The following ARID3B variants were observed in gnomAD, a reference collection of about 807,000 sequenced individuals.
ARID3B encodes the protein AT-rich interactive domain-containing protein 3B.
A neutral mutation model predicts 51.9 loss-of-function variants in ARID3B; 10 were observed. That is an observed-to-expected ratio of 0.19 (90% CI 0.12 to 0.33). The LOEUF (loss-of-function observed/expected upper bound fraction) is 0.33, where lower values mean the gene tolerates loss of function less well. Ranked by LOEUF, ARID3B falls within the 10% of genes least tolerant of loss-of-function variation. The probability of loss-of-function intolerance (pLI) is 1.00; values close to 1 mark genes in which losing one functional copy is unlikely to be tolerated. For missense variants in ARID3B, 483 were observed against 716.3 expected, an observed-to-expected ratio of 0.67 and a Z score of 3.72; for synonymous variants, 205 against 279.5, an observed-to-expected ratio of 0.73 and a Z score of 2.66.
intron 2 of ARID3B, among the ~76,000 whole-genome samples, chr15:74,545,505 C>G (rs922544572): frequency 6.6e-6 from 1 of 152,158 alleles, no homozygotes; most frequent in Non-Finnish European, 1.5e-5. Context: ...TCAACCAAGC[C>G]TCTTCTCTTT....
At chr15:74,554,511 A>G (rs1429709829) in intron 2 of ARID3B, among the ~76,000 whole-genome samples, 1 of 148,356 alleles carries the variant, frequency 6.7e-6, no homozygotes, top group Non-Finnish European at 1.5e-5. Flanking sequence ...CCATGTTGGC[A>G]AGGCTGGTCT....
intron 4 of ARID3B, chr15:74,573,415 G>A (rs184547383): frequency 1.4e-4 from 80 of 585,834 alleles, no homozygotes; most frequent in African/African-American, 1.1e-3. Flanking sequence ...TGGAATGATC[G>A]TCCACTTTTG....
In ARID3B at chr15:74,555,982, C is replaced by T. The variant is rs149331058; in HGVS notation, c.552+11494C>T. Among the ~76,000 whole-genome samples, 1,137 of 151,520 alleles carry T rather than the reference C, an allele frequency of 7.5e-3. 6 individuals are homozygous for T. The highest frequency in any genetic ancestry group is 0.026 in the African/African-American group (1,058 of 41,320). On this transcript the variant is annotated intron_variant, in intron 2 of 8. Transcript: ENST00000346246. Reference sequence around the variant, plus strand: ...AATTTTTTGGTATTTTTAGTAGAGACGGGGTTTCACCGTGTTAGCCGGGAT... The same window carrying T: ...AATTTTTTGGTATTTTTAGTAGAGATGGGGTTTCACCGTGTTAGCCGGGAT...
In ARID3B at chr15:74,592,229, G is replaced by A. The variant is rs146535470; in HGVS notation, c.1420+415G>A. On this transcript the variant is annotated intron_variant, in intron 7 of 8. Coordinates refer to ENST00000346246, the MANE Select transcript of ARID3B (RefSeq NM_006465.4). ...GCTCAGCGAGGGGCCAAGTTGCCCC[G>A]GGCTGGACAGTGGGACTCAGGAATA... Among the ~76,000 whole-genome samples, 881 of 152,284 alleles carry A rather than the reference G, an allele frequency of 5.8e-3. 6 individuals carry two copies. Among genetic ancestry groups the A allele is most frequent in the Middle Eastern group, 0.01 (3 of 294 alleles).
chr15:74,549,160 A>AC (rs1204712543), intron 2 of ARID3B, among the ~76,000 whole-genome samples: 4 of 149,496 alleles, frequency 2.7e-5, no homozygotes, highest in Non-Finnish European at 5.9e-5. Flanking sequence ...TGCAGGCTCC[A>AC]CCCCCCGGGG....
Position 74,591,013 on chromosome 15 carries a change from G to A in ARID3B, c.882-138G>A. On this transcript the variant is annotated intron_variant, in intron 5 of 8. Transcript: ENST00000346246. This position sits in a 1 kb window ranked among gnomAD's most constrained non-coding sequence, Gnocchi z 5.8. Reference sequence around the variant, plus strand: ...GTGTCCGGCCATCCCAGACTTTTCTGCCAAGTATACCAAGGTTGCAATCCT... The same window carrying A: ...GTGTCCGGCCATCCCAGACTTTTCTACCAAGTATACCAAGGTTGCAATCCT... 1.5e-6 allele frequency: 2 copies of A among 1,357,088 alleles called. No individual in the cohort carries two copies. Among genetic ancestry groups the A allele is most frequent in the Middle Eastern group, 2.3e-4 (1 of 4,308 alleles). 84.1% of individuals were successfully genotyped at this position (1,357,088 alleles called of 1,614,324 possible).
intron 2 of ARID3B, among the ~76,000 whole-genome samples, chr15:74,570,272 C>T (rs2061714319): frequency 6.6e-6 from 1 of 152,080 alleles, no homozygotes; most frequent in Admixed American, 6.6e-5. Context: ...GCCGAGCGCT[C>T]ACACTTGGGT....
rs56663733 is a variant in ARID3B, at chr15:74,596,795, G to GT, written c.*1031dup. The stretch of plus-strand genomic sequence containing the variant: ...TTTTATATGTGTTTTGCTGACTTTT[G>GT]TTTTTTTTTTATTTTAAAATTTTTA... On this transcript the variant is annotated 3_prime_UTR_variant, in exon 9 of 9. Coordinates refer to ENST00000346246, the MANE Select transcript of ARID3B (RefSeq NM_006465.4). 887 of 218,292 alleles carry GT rather than the reference G, an allele frequency of 4.1e-3. No homozygotes were observed. The highest frequency in any genetic ancestry group is 5.8e-3 in the Non-Finnish European group (622 of 107,564). The allele number at this position is 218,292 out of a possible 1,614,324, so 13.5% of individuals were successfully genotyped here.
chr15:74,562,843 A>G (rs1269711027), intron 2 of ARID3B, among the ~76,000 whole-genome samples: 1 of 152,216 alleles, frequency 6.6e-6, no homozygotes, highest in African/African-American at 2.4e-5. Context: ...AAGCTTTGCT[A>G]ATTTTACATA....
At chr15:74,554,016 A>AT (rs141402226) in intron 2 of ARID3B, among the ~76,000 whole-genome samples, 1 of 148,104 alleles carries the variant, frequency 6.8e-6, no homozygotes, top group Non-Finnish European at 1.5e-5. Flanking sequence ...GTTGTTGTTT[A>AT]TTTTTTTTGA....
In ARID3B at chr15:74,560,036, A is replaced by AAAAAAAAAAAAAAAAAAAAAAAAC. The variant is rs1201700901; in HGVS notation, c.553-12821_553-12820insAAAAAAAAAAAAAAAAAACAAAAA. 5.3e-4 allele frequency among the ~76,000 whole-genome samples: 75 copies of AAAAAAAAAAAAAAAAAAAAAAAAC among 142,502 alleles called. 2 individuals are homozygous for AAAAAAAAAAAAAAAAAAAAAAAAC. Among genetic ancestry groups the AAAAAAAAAAAAAAAAAAAAAAAAC allele is most frequent in the Non-Finnish European group, 9.5e-4 (62 of 65,254 alleles). 93.5% of individuals were successfully genotyped at this position (142,502 alleles called of 152,430 possible). On this transcript the variant is annotated intron_variant, in intron 2 of 8. Coordinates refer to ENST00000346246, the MANE Select transcript of ARID3B (RefSeq NM_006465.4). ...TGGCGAAACCCTGTCTCTACTAAAAAAAAAACCACACACACAAAAATTAGC... is the reference window on the plus strand; with the variant it reads ...TGGCGAAACCCTGTCTCTACTAAAAAAAAAAAAAAAAAAAAAAAAAAAACAAAAACCACACACACAAAAATTAGC...
intron 2 of ARID3B, among the ~76,000 whole-genome samples, chr15:74,553,675 T>C (rs2061646045): frequency 6.6e-6 from 1 of 152,182 alleles, no homozygotes; most frequent in Non-Finnish European, 1.5e-5. Context: ...GTTGGCCTTA[T>C]GTGTGATTAG....
intron 2 of ARID3B, among the ~76,000 whole-genome samples, chr15:74,547,172 C>T (rs886352540): frequency 6.6e-6 from 1 of 151,214 alleles, no homozygotes; most frequent in African/African-American, 2.4e-5. Context: ...TTCCCCCTCC[C>T]CCGCCGACAC....
At chr15:74,562,039 T>TTA (rs2061681122) in intron 2 of ARID3B, among the ~76,000 whole-genome samples, 2 of 139,776 alleles carry the variant, frequency 1.4e-5, no homozygotes, top group Admixed American at 7.7e-5. Flanking sequence ...AGACTCTGTC[T>TTA]TAAAAAAAAA....
intron 4 of ARID3B, among the ~76,000 whole-genome samples, chr15:74,577,765 T>C (rs2141469713): frequency 6.6e-6 from 1 of 152,202 alleles, no homozygotes; most frequent in East Asian, 1.9e-4. Context: ...ATTCCTGGGC[T>C]CAAGTGATCC....
chr15:74,575,418 G>A (rs1005586075), intron 4 of ARID3B, among the ~76,000 whole-genome samples: 2 of 152,188 alleles, frequency 1.3e-5, no homozygotes, highest in African/African-American at 4.8e-5. Context: ...GCTAGCACAG[G>A]GCCAGGCAGG....
chr15:74,546,454 C>CTG (rs1274272822), intron 2 of ARID3B, among the ~76,000 whole-genome samples: 1 of 152,036 alleles, frequency 6.6e-6, no homozygotes, highest in Non-Finnish European at 1.5e-5. Context: ...GCTCCAGAGC[C>CTG]TGTCTGTCTT....
intron 2 of ARID3B, among the ~76,000 whole-genome samples, chr15:74,551,056 T>C (rs1028394552): frequency 1.4e-4 from 22 of 152,240 alleles, no homozygotes; most frequent in South Asian, 1.2e-3. Flanking sequence ...AACCCACATA[T>C]ATTAAAAGTC....
At chr15:74,595,543 AC>A in intron 8 of ARID3B, 67 bp from the exon 9 acceptor site, 1 of 1,547,340 alleles carries the variant, frequency 6.5e-7, no homozygotes, top group Non-Finnish European at 8.8e-7. Context: ...GTGAATACTT[AC>A]TGAAAGGAGC....
Sources: allele counts gnomAD v4.1 joint callset (sites outside exome capture counted in the v4.1 genomes callset), GRCh38; gene constraint gnomAD v4.1.1; non-coding constraint Gnocchi (gnomAD v3.1); transcripts MANE v1.5; gene names NCBI Gene and HGNC (gene_info 2026-07-23, HGNC 2026-07-21).